OSMR: variants seen among roughly 807,000 people sequenced by gnomAD.
The protein encoded by OSMR is oncostatin M receptor.
Under a neutral mutation model 99.9 loss-of-function variants are expected in OSMR, and 81 were observed. The observed-to-expected ratio is 0.81, with a 90% CI of 0.68 to 0.97. OSMR has a LOEUF of 0.97. Ranked by LOEUF, OSMR falls within the 50% of genes least tolerant of loss-of-function variation. The pLI is 0.00. For missense variants in OSMR, 1,099 were observed against 1,153.4 expected, an observed-to-expected ratio of 0.95 and a Z score of 0.68; for synonymous variants, 406 against 410.4, an observed-to-expected ratio of 0.99 and a Z score of 0.13.
intron 2 of OSMR, among the ~76,000 whole-genome samples, chr5:38,874,158 C>T (rs1742621416): frequency 6.6e-6 from 1 of 152,158 alleles, no homozygotes; most frequent in Non-Finnish European, 1.5e-5. Context: ...AATATTTTCT[C>T]ACATTCTATA....
At chr5:38,860,795 C>T (rs1182080809) in intron 1 of OSMR, among the ~76,000 whole-genome samples, 2 of 152,116 alleles carry the variant, frequency 1.3e-5, no homozygotes, top group Admixed American at 6.5e-5. Flanking sequence ...GCCTCAGCCC[C>T]CTGAGTAGCC....
chr5:38,886,049 G>C lies in OSMR; in HGVS notation c.850G>C (p.Glu284Gln). The change falls in exon 7 of 18, where the codon GAA (glutamate) becomes CAA (glutamine). Residue 284 changes from glutamate (E) to glutamine (Q), a missense_variant. Transcript: ENST00000274276. Reference protein sequence around the residue: ...SYTLFESFSGEKKLCTHKNWC... With the variant: ...SYTLFESFSGQKKLCTHKNWC... ...GTTTTGTTTTTAAAGATTTTCTGGGGAAAAGAAACTTTGTACACACAAAAA... is the reference window on the plus strand; with the variant it reads ...GTTTTGTTTTTAAAGATTTTCTGGGCAAAAGAAACTTTGTACACACAAAAA... 6.2e-7 allele frequency: 1 copy of C among 1,613,212 alleles called. No homozygotes were observed. The highest frequency in any genetic ancestry group is 1.7e-5 in the Admixed American group (1 of 59,928).
At chr5:38,893,589 T>C (rs1187670165) in intron 7 of OSMR, among the ~76,000 whole-genome samples, 1 of 152,196 alleles carries the variant, frequency 6.6e-6, no homozygotes, top group East Asian at 1.9e-4. Flanking sequence ...ATTTCAGAGC[T>C]TCAAGAATGA....
At chr5:38,944,703 G>A (rs1747981240) in intron 2 of OSMR, 2 of 907,640 alleles carry the variant, frequency 2.2e-6, no homozygotes, top group East Asian at 5.1e-5. Flanking sequence ...CATTTTGGGA[G>A]CAAAACTCTA....
At chr5:38,942,897 C>T (rs761487766) in intron 1 of OSMR, 2 of 1,608,196 alleles carry the variant, frequency 1.2e-6, no homozygotes, top group Non-Finnish European at 1.7e-6. Context: ...TCTGAATGTG[C>T]AGTGTGACAG....
intron 12 of OSMR, chr5:38,922,847 C>G (rs1276487691): frequency 6.6e-6 from 1 of 152,178 alleles, no homozygotes; most frequent in African/African-American, 2.4e-5. Flanking sequence ...TTGATCTCAG[C>G]TCATTGCAAC....
chr5:38,907,895 C>CTGTTGCACACATA (rs1334540576), intron 9 of OSMR, among the ~76,000 whole-genome samples: 3 of 152,228 alleles, frequency 2.0e-5, no homozygotes, highest in Non-Finnish European at 4.4e-5. Context: ...ACATATCCCA[C>CTGTTGCACACATA]TGCTGCTGTT....
rs765706775 is a variant in OSMR, at chr5:38,857,483, A to G, written c.-14+11096A>G. Among the ~76,000 whole-genome samples the G allele has an allele frequency of 3.3e-5, 5 of 152,298 alleles. No homozygotes were observed. In the South Asian group the frequency reaches 6.2e-4, roughly 19 times the overall value. On this transcript the variant is annotated intron_variant, in intron 1 of 17. Coordinates refer to ENST00000274276, the MANE Select transcript of OSMR (RefSeq NM_003999.3). ...CGGCTTTAATATTCAGTTGTAATAC[A>G]AACTCATTTGAAATTTTATTTAAAA...
At chr5:38,944,289 G>A (rs927819277) in exon 2 of OSMR, 3 of 741,264 alleles carry the variant, frequency 4.0e-6, no homozygotes, top group African/African-American at 1.7e-5. Context: ...TGTTTTGGCT[G>A]AAGTATTAAA....
intron 9 of OSMR, among the ~76,000 whole-genome samples, chr5:38,913,699 G>C (rs960763927): frequency 6.6e-6 from 1 of 152,076 alleles, no homozygotes; most frequent in African/African-American, 2.4e-5. Context: ...ACACCAATCA[G>C]AAAGGCTATT....
At chr5:38,902,953 G>T (rs1457639580) in intron 7 of OSMR, among the ~76,000 whole-genome samples, 1 of 152,114 alleles carries the variant, frequency 6.6e-6, no homozygotes. Flanking sequence ...CATTCTCGGG[G>T]TGTATGTGTG....
At chr5:38,891,095 C>A (rs1192204466) in intron 7 of OSMR, among the ~76,000 whole-genome samples, 2 of 152,164 alleles carry the variant, frequency 1.3e-5, no homozygotes, top group African/African-American at 4.8e-5. Flanking sequence ...TTTACAATAT[C>A]TTTGTTCTCA....
chr5:38,881,574 G>A lies in OSMR; in HGVS notation c.247-19G>A. The A allele has an allele frequency of 1.2e-6, 2 of 1,614,128 alleles. No individual in the cohort carries two copies. Among genetic ancestry groups the A allele is most frequent in the Non-Finnish European group, 1.7e-6 (2 of 1,179,996 alleles). ...ACAAGATGGCTATGTGTCTCCAATT[G>A]TTTTCTCTTTGCTTTTAGGGGAATT... On this transcript the variant is annotated intron_variant, in intron 3 of 17. Coordinates refer to ENST00000274276, the MANE Select transcript of OSMR (RefSeq NM_003999.3).
chr5:38,888,883 G>T (rs898621757), intron 7 of OSMR, among the ~76,000 whole-genome samples: 2 of 152,110 alleles, frequency 1.3e-5, no homozygotes, highest in African/African-American at 4.8e-5. Flanking sequence ...CTGAATTTTT[G>T]AATGTCAATG....
At chr5:38,876,929 A>G (rs1742886461) in intron 3 of OSMR, among the ~76,000 whole-genome samples, 1 of 152,218 alleles carries the variant, frequency 6.6e-6, no homozygotes, top group Non-Finnish European at 1.5e-5. Flanking sequence ...AAATTAAATT[A>G]AGAAAATACT....
intron 15 of OSMR, among the ~76,000 whole-genome samples, chr5:38,926,494 C>T (rs1746480827): frequency 6.6e-6 from 1 of 152,182 alleles, no homozygotes; most frequent in African/African-American, 2.4e-5. Flanking sequence ...TCCTTCTTAA[C>T]ATGGCGGAAG....
chr5:38,860,284 T>G (rs1006911825), intron 1 of OSMR, among the ~76,000 whole-genome samples: 1 of 152,236 alleles, frequency 6.6e-6, no homozygotes, highest in African/African-American at 2.4e-5. Context: ...GAAGGAATGT[T>G]GAATTTTATC....
chr5:38,921,059 G>A (rs544287309), intron 11 of OSMR, among the ~76,000 whole-genome samples: 194 of 152,170 alleles, frequency 1.3e-3, no homozygotes, highest in Non-Finnish European at 2.0e-3. Flanking sequence ...TGTTACCGTG[G>A]GAGAATTAGC....
At chr5:38,927,580 G>C (rs998789567) in intron 15 of OSMR, among the ~76,000 whole-genome samples, 2 of 152,152 alleles carry the variant, frequency 1.3e-5, no homozygotes, top group South Asian at 4.1e-4. Context: ...GTCCTGAGGC[G>C]GCACAGAGCA....
Sources: allele counts gnomAD v4.1 joint callset (sites outside exome capture counted in the v4.1 genomes callset), GRCh38; gene constraint gnomAD v4.1.1; transcripts MANE v1.5; gene names NCBI Gene and HGNC (gene_info 2026-07-23, HGNC 2026-07-21).